The following RAD51B variants were observed in gnomAD, a reference collection of about 807,000 sequenced individuals.
RAD51B encodes the protein DNA repair protein RAD51 homolog 2.
In RAD51B, 38 loss-of-function variants were observed where a neutral mutation model predicts 42.2. The ratio of observed to expected loss-of-function variants is 0.90; its 90% confidence interval spans 0.70 to 1.18. The LOEUF is 1.18. Ranked by LOEUF, RAD51B falls within the 50% of genes most tolerant of loss-of-function variation. The pLI, the probability that RAD51B is intolerant of heterozygous loss-of-function variation, is 0.00. For missense variants in RAD51B, 373 were observed against 400.7 expected, an observed-to-expected ratio of 0.93 and a Z score of 0.59; for synonymous variants, 154 against 145.2, an observed-to-expected ratio of 1.06 and a Z score of -0.43.
At chr14:68,109,920 C>G (rs1184025169) in intron 7 of RAD51B, among the ~76,000 whole-genome samples, 2 of 151,938 alleles carry the variant, frequency 1.3e-5, no homozygotes, top group Non-Finnish European at 2.9e-5. Flanking sequence ...AAAACTTAAA[C>G]TCAAAGAGGA....
intron 9 of RAD51B, among the ~76,000 whole-genome samples, chr14:68,465,951 A>AT (rs1555414326): frequency 0.027 from 2,415 of 90,302 alleles, 51 homozygotes; most frequent in South Asian, 0.064. Flanking sequence ...AAAAAAAAAA[A>AT]AAATAAATAA....
chr14:68,542,353 C>T (rs1033745185), intron 10 of RAD51B, among the ~76,000 whole-genome samples: 1 of 152,128 alleles, frequency 6.6e-6, no homozygotes, highest in South Asian at 2.1e-4. Context: ...TGCTATTATT[C>T]TTATTATTTG....
At chr14:68,335,313 AGAAAAG>A (rs758731533) in intron 8 of RAD51B, among the ~76,000 whole-genome samples, 1 of 109,838 alleles carries the variant, frequency 9.1e-6, no homozygotes, top group Non-Finnish European at 1.9e-5. Flanking sequence ...AAAAAAAAAA[AGAAAAG>A]AAAAAAGAAA....
At chr14:67,985,423 T>G (rs1317673751) in intron 7 of RAD51B, among the ~76,000 whole-genome samples, 1 of 152,164 alleles carries the variant, frequency 6.6e-6, no homozygotes, top group Non-Finnish European at 1.5e-5. Flanking sequence ...TTGATCAAGT[T>G]CAATATACCA....
chr14:67,831,567 G>T (rs2041046654), intron 3 of RAD51B, among the ~76,000 whole-genome samples: 1 of 151,982 alleles, frequency 6.6e-6, no homozygotes, highest in Non-Finnish European at 1.5e-5. Context: ...ATGGAGTTTT[G>T]CTCTTGTTGC....
At chr14:68,595,144 C>A in exon 11 of RAD51B, 7 of 1,066,644 alleles carry the variant, frequency 6.6e-6, no homozygotes, top group Non-Finnish European at 6.8e-6. Flanking sequence ...AGCGCTGGAA[C>A]GTTTATTCTC....
intron 10 of RAD51B, among the ~76,000 whole-genome samples, chr14:68,510,127 G>A (rs1258522655): frequency 6.6e-6 from 1 of 152,124 alleles, no homozygotes; most frequent in South Asian, 2.1e-4. Flanking sequence ...AGCAGTTTCT[G>A]TGCCTTCCAG....
chr14:68,666,365 T>A (rs767929838), intron 11 of RAD51B, among the ~76,000 whole-genome samples: 1 of 152,232 alleles, frequency 6.6e-6, no homozygotes, highest in Non-Finnish European at 1.5e-5. Context: ...GAGCCGTAGT[T>A]TACAGCTATT....
At chr14:68,034,915 ATGCACCT>A (rs1358020084) in intron 7 of RAD51B, among the ~76,000 whole-genome samples, 1 of 152,088 alleles carries the variant, frequency 6.6e-6, no homozygotes, top group Non-Finnish European at 1.5e-5. Context: ...ATTTATCACC[ATGCACCT>A]TGGATTTCAA....
At chr14:68,480,721 G>A (rs867494220), downstream of RAD51B, among the ~76,000 whole-genome samples, 46 of 151,900 alleles carry the variant, frequency 3.0e-4, no homozygotes, top group Non-Finnish European at 6.0e-4. Flanking sequence ...TAAGGTACTC[G>A]TTTGTTACTG....
At chr14:68,453,970 G>A (rs2085621060) in intron 9 of RAD51B, among the ~76,000 whole-genome samples, 1 of 152,180 alleles carries the variant, frequency 6.6e-6, no homozygotes, top group South Asian at 2.1e-4. Context: ...AATTTCCTCA[G>A]AGAGTTAAAG....
chr14:68,016,745 G>C (rs1566580797), intron 7 of RAD51B, among the ~76,000 whole-genome samples: 1 of 152,088 alleles, frequency 6.6e-6, no homozygotes, highest in African/African-American at 2.4e-5. Flanking sequence ...CTGTGAATTG[G>C]AAAAAGCACA....
Position 68,312,227 on chromosome 14 carries a change from C to T in RAD51B, c.853+20247C>T, listed in dbSNP as rs375979617. Among the ~76,000 whole-genome samples the T allele has an allele frequency of 5.3e-5, 8 of 152,148 alleles. No homozygotes were observed. In the East Asian group the frequency reaches 1.2e-3, roughly 22 times the overall value. Reference sequence around the variant, plus strand: ...TGAAGATTGGCTCAGCCTGCACTGACACTTCTGAAAAGGTGGAAAGAGCAA... The same window carrying T: ...TGAAGATTGGCTCAGCCTGCACTGATACTTCTGAAAAGGTGGAAAGAGCAA... On this transcript the variant is annotated intron_variant, in intron 8 of 10. Transcript: ENST00000471583.
intron 9 of RAD51B, among the ~76,000 whole-genome samples, chr14:68,437,015 T>G (rs975877730): frequency 6.6e-6 from 1 of 152,200 alleles, no homozygotes; most frequent in African/African-American, 2.4e-5. Context: ...TATTTCTTTC[T>G]TTTGCCTGAC....
intron 11 of RAD51B, among the ~76,000 whole-genome samples, chr14:68,674,000 TAC>T (rs1893246607): frequency 6.6e-6 from 1 of 152,010 alleles, no homozygotes; most frequent in Non-Finnish European, 1.5e-5. Context: ...CACATATATA[TAC>T]ATCCACACAT....
chr14:68,553,367 G>A (rs1308309020), intron 10 of RAD51B, among the ~76,000 whole-genome samples: 1 of 152,170 alleles, frequency 6.6e-6, no homozygotes, highest in African/African-American at 2.4e-5. Flanking sequence ...AGATGTTATT[G>A]GCTCTGGCCC....
At chr14:68,308,135 T>C (rs58773728) in intron 8 of RAD51B, among the ~76,000 whole-genome samples, 4,225 of 152,280 alleles carry the variant, frequency 0.028, 194 homozygotes, top group African/African-American at 0.095. Context: ...TTCTAAATAA[T>C]ATCAAGGATA....
intron 7 of RAD51B, among the ~76,000 whole-genome samples, chr14:67,912,153 A>C (rs1050070578): frequency 1.3e-5 from 2 of 152,226 alleles, no homozygotes; most frequent in African/African-American, 4.8e-5. Context: ...ATTAGTCTGT[A>C]GCCAGATATT....
chr14:68,390,430 A>G (rs2083713952), intron 8 of RAD51B, among the ~76,000 whole-genome samples: 1 of 152,176 alleles, frequency 6.6e-6, no homozygotes, highest in Non-Finnish European at 1.5e-5. Context: ...ATGCCATTGG[A>G]TTTGTCTGAG....
Sources: allele counts gnomAD v4.1 joint callset (sites outside exome capture counted in the v4.1 genomes callset), GRCh38; gene constraint gnomAD v4.1.1; transcripts MANE v1.5; gene names NCBI Gene and HGNC (gene_info 2026-07-23, HGNC 2026-07-21).